Variants in COL4A3 observed in about 807,000 individuals in gnomAD.
COL4A3 encodes the protein collagen alpha-3(IV) chain.
A neutral mutation model predicts 217.4 loss-of-function variants in COL4A3; 135 were observed. That is an observed-to-expected ratio of 0.62 (90% CI 0.54 to 0.72). The LOEUF (loss-of-function observed/expected upper bound fraction) is 0.72. Among genes scored for constraint, COL4A3 ranks in the 30% least tolerant of loss-of-function variants. COL4A3 has a pLI of 0.00. For synonymous variants in COL4A3, 690 were observed against 736.3 expected (o/e 0.94, Z 1.02); for missense variants, 1,868 against 2,119.9 (o/e 0.88, Z 2.33).
At chr2:227,274,238 A>AAAATAAATAAAAAATAAATAAAT (rs1553757954) in intron 26 of COL4A3, among the ~76,000 whole-genome samples, 2 of 143,754 alleles carry the variant, frequency 1.4e-5, no homozygotes, top group African/African-American at 2.5e-5. Flanking sequence ...TACTGTCTCA[A>AAAATAAATAAAAAATAAATAAAT]AAATAAATAA....
chr2:227,236,850 G>T (rs999070813), intron 1 of COL4A3, among the ~76,000 whole-genome samples: 1 of 152,024 alleles, frequency 6.6e-6, no homozygotes, highest in Non-Finnish European at 1.5e-5. Context: ...TAGTTGAGAT[G>T]GGGTTTCATC....
At chr2:227,259,914 A>T (rs1685353940) in intron 19 of COL4A3, 37 bp downstream of exon 19, 1 of 1,465,306 alleles carries the variant, frequency 6.8e-7, no homozygotes, top group Non-Finnish European at 9.6e-7. Flanking sequence ...TTTGCTGAAC[A>T]TATTTCTGGC....
chr2:227,233,583 T>C (rs930783633), intron 1 of COL4A3, among the ~76,000 whole-genome samples: 1 of 152,246 alleles, frequency 6.6e-6, no homozygotes. Context: ...AGCTATCATA[T>C]AGAAATTCTA....
chr2:227,251,808 C>T (rs1353814163), intron 11 of COL4A3, among the ~76,000 whole-genome samples: 2 of 152,144 alleles, frequency 1.3e-5, no homozygotes, highest in Non-Finnish European at 2.9e-5. Context: ...TTGGTTCACA[C>T]CTGTAAGCCC....
rs2072136807 is a variant in COL4A3 at position 227,283,761 on chromosome 2, C to T, written c.2657-6C>T. ...CGTGCTGCTTTGTGTTAATTTGTTT[C>T]CATAGGTGAAGATGGAGTGATTGGG... On this transcript the variant is annotated splice_polypyrimidine_tract_variant and splice_region_variant and intron_variant, in intron 32 of 51. Transcript: ENST00000396578. 6.2e-7 allele frequency: 1 copy of T among 1,613,200 alleles called. No homozygotes were observed. The highest frequency in any genetic ancestry group is 1.7e-5 in the Admixed American group (1 of 60,020).
In COL4A3 at chr2:227,294,536, C is replaced by T. The variant is rs1376404762; in HGVS notation, c.3384C>T (p.Gly1128=). ...HGDLGFKGIK[G]LLGPPGIRGP... ...ATTTGGGTTTTAAAGGAATCAAAGGCCTCCTGGGCCCTCCAGGAATCAGAG... is the reference window on the plus strand; with the variant it reads ...ATTTGGGTTTTAAAGGAATCAAAGGTCTCCTGGGCCCTCCAGGAATCAGAG... The change falls in exon 39 of 52, where the codon GGC becomes GGT. Residue 1128 remains glycine (G), a synonymous_variant. Coordinates refer to ENST00000396578, the MANE Select transcript of COL4A3 (RefSeq NM_000091.5). 6.2e-7 allele frequency: 1 copy of T among 1,613,544 alleles called. No homozygotes were observed. The highest frequency in any genetic ancestry group is 8.5e-7 in the Non-Finnish European group (1 of 1,179,556).
chr2:227,208,019 C>T (rs868846898), intron 1 of COL4A3, among the ~76,000 whole-genome samples: 7 of 150,162 alleles, frequency 4.7e-5, no homozygotes, highest in Non-Finnish European at 5.9e-5. Flanking sequence ...TCTCCCCCCG[C>T]CCCCCCACAC....
rs374379775 is a variant in COL4A3 at position 227,282,380 on chromosome 2, C to T, written c.2504C>T (p.Thr835Met). The change falls in exon 32 of 52, where the codon ACG becomes ATG. Residue 835 changes from threonine (T) to methionine (M), a missense_variant. This residue lies in a region of COL4A3 where 1,503 missense variants were observed against 1,786.1 expected (regional missense o/e 0.84). Coordinates refer to ENST00000396578, the MANE Select transcript of COL4A3 (RefSeq NM_000091.5). This position sits in a 1 kb window ranked among gnomAD's most constrained non-coding sequence, Gnocchi z 4.4. Reference protein sequence around the residue: ...LKGQQGRRGKTGPKGDPGIPG... With the variant: ...LKGQQGRRGKMGPKGDPGIPG... ...TCGTACACAGGCAGAAGAGGTAAAACGGGGCCAAAGGGAGACCCAGGAATT... is the reference window on the plus strand; with the variant it reads ...TCGTACACAGGCAGAAGAGGTAAAATGGGGCCAAAGGGAGACCCAGGAATT... 1.1e-5 allele frequency: 17 copies of T among 1,611,260 alleles called. No individual in the cohort carries two copies. Among genetic ancestry groups the T allele is most frequent in the African/African-American group, 5.4e-5 (4 of 73,946 alleles).
At chr2:227,188,789 C>T (rs1237489924) in intron 1 of COL4A3, among the ~76,000 whole-genome samples, 9 of 152,156 alleles carry the variant, frequency 5.9e-5, no homozygotes, top group African/African-American at 1.9e-4. Flanking sequence ...TTATAAGGCA[C>T]TTACTGTGTG....
intron 35 of COL4A3, among the ~76,000 whole-genome samples, chr2:227,289,516 C>T (rs1379466814): frequency 6.6e-6 from 1 of 152,154 alleles, no homozygotes; most frequent in Non-Finnish European, 1.5e-5. Context: ...TAATGTATCA[C>T]TATATCACAT....
At chr2:227,172,581 C>CTTTTTTT (rs11315628) in intron 1 of COL4A3, among the ~76,000 whole-genome samples, 103 of 73,566 alleles carry the variant, frequency 1.4e-3, no homozygotes, top group Non-Finnish European at 1.9e-3. Context: ...TCGTCTTCTT[C>CTTTTTTT]TTTTTTTTTT....
chr2:227,313,795 A>G lies in COL4A3; in HGVS notation c.*1925A>G, dbSNP rs1283500752. 1 of 152,246 alleles carries G rather than the reference A, an allele frequency of 6.6e-6. No homozygotes were observed. The highest frequency in any genetic ancestry group is 2.4e-5 in the African/African-American group (1 of 41,456). 9.4% of individuals were successfully genotyped at this position (152,246 alleles called of 1,614,324 possible). A position where few individuals can be genotyped will look rare whatever the true frequency, so the allele number is the denominator to read the frequency against. On this transcript the variant is annotated 3_prime_UTR_variant, in exon 52 of 52. Transcript: ENST00000396578. ...ATTGTCCCAAGTGTACTATAGCGGC[A>G]TATAGAGCTAGCTAATCTCTACAAA...
At chr2:227,249,019 C>T (rs531994395) in intron 9 of COL4A3, among the ~76,000 whole-genome samples, 2 of 150,824 alleles carry the variant, frequency 1.3e-5, no homozygotes, top group South Asian at 4.2e-4. Context: ...AAATGCAACT[C>T]TCTCCAGTTG....
At position 227,194,550 on chromosome 2, in the gene COL4A3, G is replaced by A. The variant is rs72975960; in HGVS notation, c.87+29737G>A. On this transcript the variant is annotated intron_variant, in intron 1 of 51. Coordinates refer to ENST00000396578, the MANE Select transcript of COL4A3 (RefSeq NM_000091.5). ...CCCCTTTCTGTGGTCCTCATGGTCA[G>A]CCCCTTAAGACAAGGAGCAGGCCTG... Among the ~76,000 whole-genome samples, 1,422 of 152,336 alleles carry A rather than the reference G, an allele frequency of 9.3e-3. 7 individuals are homozygous for A. Among genetic ancestry groups the A allele is most frequent in the Non-Finnish European group, 0.016 (1,108 of 68,040 alleles).
rs773514226 is a variant in COL4A3 at position 227,211,368 on chromosome 2, T to G, written c.88-26600T>G. ...CATCCTATGAATGTAACAAAATTTGTTTTTCCATTCTACCATTGGGGCATG... is the reference window on the plus strand; with the variant it reads ...CATCCTATGAATGTAACAAAATTTGGTTTTCCATTCTACCATTGGGGCATG... On this transcript the variant is annotated intron_variant, in intron 1 of 51. Coordinates refer to ENST00000396578, the MANE Select transcript of COL4A3 (RefSeq NM_000091.5). 1.0e-3 allele frequency among the ~76,000 whole-genome samples: 158 copies of G among 152,202 alleles called. 2 individuals are homozygous for G. The highest frequency in any genetic ancestry group is 3.1e-4 in the Non-Finnish European group (21 of 68,040).
At position 227,270,755 on chromosome 2, in the gene COL4A3, T is replaced by G. The variant is rs56243460; in HGVS notation, c.1576-15T>G. Reference sequence around the variant, plus strand: ...TAACAAAATACAATACAGATTCATTTGTGTACTACCCTAGGGTTTCCCAGG... The same window carrying G: ...TAACAAAATACAATACAGATTCATTGGTGTACTACCCTAGGGTTTCCCAGG... On this transcript the variant is annotated splice_polypyrimidine_tract_variant and intron_variant, in intron 24 of 51. Coordinates refer to ENST00000396578, the MANE Select transcript of COL4A3 (RefSeq NM_000091.5). 0.04 allele frequency: 64,044 copies of G among 1,611,610 alleles called. 1,779 individuals are homozygous for G. Among genetic ancestry groups the G allele is most frequent in the African/African-American group, 0.11 (8,020 of 74,926 alleles).
At chr2:227,195,212 A>T (rs1334288371) in intron 1 of COL4A3, among the ~76,000 whole-genome samples, 1 of 152,208 alleles carries the variant, frequency 6.6e-6, no homozygotes, top group Non-Finnish European at 1.5e-5. Flanking sequence ...TAGATTTTGA[A>T]CTTGAGCAAC....
chr2:227,228,122 T>G (rs1011204691), intron 1 of COL4A3, among the ~76,000 whole-genome samples: 2 of 152,188 alleles, frequency 1.3e-5, no homozygotes, highest in Non-Finnish European at 2.9e-5. Flanking sequence ...ATGTCTAGAC[T>G]AGTGATGTGT....
intron 47 of COL4A3, among the ~76,000 whole-genome samples, chr2:227,306,610 A>C (rs12471801): frequency 0.31 from 47,379 of 152,026 alleles, 7,780 homozygotes; most frequent in Admixed American, 0.4. Context: ...AAAACCACTC[A>C]AGGTCCCTGG....
Sources: allele counts gnomAD v4.1 joint callset (sites outside exome capture counted in the v4.1 genomes callset), GRCh38; gene constraint gnomAD v4.1.1; regional missense constraint gnomAD v4.1.1; non-coding constraint Gnocchi (gnomAD v3.1); transcripts MANE v1.5; gene names NCBI Gene and HGNC (gene_info 2026-07-23, HGNC 2026-07-21).